The following IMMP2L variants were observed in gnomAD, a reference collection of about 807,000 sequenced individuals.
The protein encoded by IMMP2L is inner mitochondrial membrane peptidase subunit 2, also known as mitochondrial inner membrane protease subunit 2.
A neutral mutation model predicts 19.3 loss-of-function variants in IMMP2L; 18 were observed. That is an observed-to-expected ratio of 0.93 (90% CI 0.64 to 1.38). IMMP2L has a LOEUF of 1.38. IMMP2L is among the 40% of genes most tolerant of loss of function. The pLI is 0.00. For synonymous variants in IMMP2L, 76 were observed against 73.0 expected (o/e 1.04, Z -0.21); for missense variants, 233 against 218.2 (o/e 1.07, Z -0.43).
intron 3 of IMMP2L, among the ~76,000 whole-genome samples, chr7:111,327,819 T>C (rs1416534069): frequency 2.0e-5 from 3 of 151,436 alleles, no homozygotes; most frequent in South Asian, 4.2e-4. Flanking sequence ...GCTGAAAACA[T>C]AGTGTACATA....
At chr7:110,905,290 C>A (rs1483899300) in intron 4 of IMMP2L, among the ~76,000 whole-genome samples, 2 of 152,084 alleles carry the variant, frequency 1.3e-5, no homozygotes, top group African/African-American at 4.8e-5. Flanking sequence ...ATTGTCAAGT[C>A]TGTGATTGCC....
At chr7:111,276,601 C>T (rs1202117079) in intron 3 of IMMP2L, among the ~76,000 whole-genome samples, 2 of 116,882 alleles carry the variant, frequency 1.7e-5, no homozygotes, top group Admixed American at 1.9e-4. Flanking sequence ...TCATTTTTCA[C>T]AGAATTAGAA....
intron 5 of IMMP2L, among the ~76,000 whole-genome samples, chr7:110,696,051 G>T (rs1027894689): frequency 2.6e-5 from 4 of 152,174 alleles, no homozygotes; most frequent in Non-Finnish European, 5.9e-5. Flanking sequence ...AACAGTAAAA[G>T]CTCCATAAAC....
chr7:111,517,923 C>G (rs146769935), intron 2 of IMMP2L, among the ~76,000 whole-genome samples: 1 of 152,134 alleles, frequency 6.6e-6, no homozygotes, highest in Non-Finnish European at 1.5e-5. Context: ...TCGAGCATTG[C>G]AAAAGGGACA....
At chr7:111,185,684 A>G (rs1808193134) in intron 3 of IMMP2L, among the ~76,000 whole-genome samples, 1 of 152,192 alleles carries the variant, frequency 6.6e-6, no homozygotes, top group South Asian at 2.1e-4. Context: ...AAGAATAGCA[A>G]GGAGATTAGA....
intron 3 of IMMP2L, among the ~76,000 whole-genome samples, chr7:111,439,689 T>C (rs1488346199): frequency 4.6e-5 from 7 of 151,898 alleles, no homozygotes; most frequent in Admixed American, 1.3e-4. Context: ...GGGTGGTGGT[T>C]GCTGAAGAGT....
intron 5 of IMMP2L, among the ~76,000 whole-genome samples, chr7:110,811,141 C>A (rs1419717170): frequency 2.6e-5 from 4 of 151,916 alleles, no homozygotes; most frequent in Admixed American, 6.6e-5. Flanking sequence ...GTAATGAAAC[C>A]AGTGAAATTT....
chr7:111,432,636 T>C (rs1836748222), intron 3 of IMMP2L, among the ~76,000 whole-genome samples: 1 of 151,660 alleles, frequency 6.6e-6, no homozygotes, highest in Non-Finnish European at 1.5e-5. Flanking sequence ...GTTGAAAGCA[T>C]TTCCTCTGAG....
At chr7:111,254,981 T>C (rs1386046493) in intron 3 of IMMP2L, among the ~76,000 whole-genome samples, 2 of 152,264 alleles carry the variant, frequency 1.3e-5, no homozygotes, top group African/African-American at 2.4e-5. Context: ...AAATGTTTAA[T>C]TATCCACGAT....
At chr7:110,753,253 C>T (rs1562956406) in intron 5 of IMMP2L, among the ~76,000 whole-genome samples, 1 of 151,948 alleles carries the variant, frequency 6.6e-6, no homozygotes, top group Non-Finnish European at 1.5e-5. Context: ...TTTCAAACTA[C>T]CTACTTAAAT....
At chr7:111,437,537 C>CA (rs1477423664) in intron 3 of IMMP2L, among the ~76,000 whole-genome samples, 1 of 151,866 alleles carries the variant, frequency 6.6e-6, no homozygotes, top group East Asian at 1.9e-4. Context: ...TCTTTAGCAA[C>CA]AAAACGCAAA....
rs898033291 is a variant in IMMP2L, at chr7:110,904,720, G to T, written c.306-18025C>A. 2.6e-5 allele frequency among the ~76,000 whole-genome samples: 4 copies of T among 152,240 alleles called. No individual in the cohort carries two copies. In the East Asian group the frequency reaches 5.8e-4, roughly 22 times the overall value. On this transcript the variant is annotated intron_variant, in intron 4 of 5. Coordinates refer to ENST00000405709, the MANE Select transcript of IMMP2L (RefSeq NM_032549.4). ...CTTGTTTTATGGGCTTGCCATAGAA[G>T]GATCACTAGGAAAGCAAAGCATGTA...
At chr7:110,866,926 G>T (rs1327177609) in intron 5 of IMMP2L, among the ~76,000 whole-genome samples, 1 of 152,026 alleles carries the variant, frequency 6.6e-6, no homozygotes. Flanking sequence ...ATTACCAATT[G>T]CAAACACAGT....
chr7:111,275,667 C>G (rs1480141854), intron 3 of IMMP2L, among the ~76,000 whole-genome samples: 1 of 152,106 alleles, frequency 6.6e-6, no homozygotes, highest in Non-Finnish European at 1.5e-5. Flanking sequence ...AATGATTCTT[C>G]CAATCTGTGA....
rs560841173 is a variant in IMMP2L, at chr7:110,924,965, C to T, written c.306-38270G>A. Among the ~76,000 whole-genome samples the T allele has an allele frequency of 2.6e-5, 4 of 152,236 alleles. No individual in the cohort carries two copies. The South Asian group carries it at 8.3e-4, about 32-fold the overall frequency. On this transcript the variant is annotated intron_variant, in intron 4 of 5. Coordinates refer to ENST00000405709, the MANE Select transcript of IMMP2L (RefSeq NM_032549.4). This position sits in a 1 kb window ranked among gnomAD's most constrained non-coding sequence, Gnocchi z 4.2. The stretch of plus-strand genomic sequence containing the variant: ...AGCTATTAAAAACTTTCAACTACAT[C>T]TAACCATTCATAGTTATGCATGATA...
intron 1 of IMMP2L, among the ~76,000 whole-genome samples, chr7:111,549,688 C>T (rs376028183): frequency 4.6e-5 from 7 of 151,990 alleles, no homozygotes; most frequent in African/African-American, 1.7e-4. Context: ...ACCTGTAATC[C>T]CAGCACTTTG....
At chr7:110,732,039 T>C (rs925277977) in intron 5 of IMMP2L, among the ~76,000 whole-genome samples, 1 of 152,174 alleles carries the variant, frequency 6.6e-6, no homozygotes, top group Admixed American at 6.5e-5. Flanking sequence ...AGAAGAGTTC[T>C]CCAGGCATAG....
chr7:111,534,278 GTAAA>G (rs1359799665), intron 1 of IMMP2L, among the ~76,000 whole-genome samples: 8 of 152,120 alleles, frequency 5.3e-5, no homozygotes, highest in Admixed American at 2.0e-4. Context: ...TCACAAATAT[GTAAA>G]TAAATTATGA....
intron 5 of IMMP2L, among the ~76,000 whole-genome samples, chr7:110,682,907 C>T (rs887314571): frequency 7.9e-5 from 12 of 152,066 alleles, no homozygotes; most frequent in Admixed American, 5.2e-4. Flanking sequence ...TAGAAAGCTA[C>T]TGACTATATG....
Sources: allele counts gnomAD v4.1 joint callset (sites outside exome capture counted in the v4.1 genomes callset), GRCh38; gene constraint gnomAD v4.1.1; non-coding constraint Gnocchi (gnomAD v3.1); transcripts MANE v1.5; gene names NCBI Gene and HGNC (gene_info 2026-07-23, HGNC 2026-07-21).